CTSB: variants seen among roughly 807,000 people sequenced by gnomAD.
CTSB encodes the protein cathepsin B.
CTSB carries 57 observed loss-of-function variants against 44.3 expected under a neutral mutation model. The ratio of observed to expected loss-of-function variants is 1.29; its 90% CI spans 1.04 to 1.60. The LOEUF (loss-of-function observed/expected upper bound fraction) is 1.60, where lower values mean the gene tolerates loss of function less well. CTSB is among the 40% of genes most tolerant of loss of function. The pLI is 0.00. For synonymous variants in CTSB, 320 were observed against 168.0 expected, an observed-to-expected ratio of 1.91 and a Z score of -7.00; for missense variants, 768 against 443.0, an observed-to-expected ratio of 1.73 and a Z score of -6.59.
intron 1 of CTSB, among the ~76,000 whole-genome samples, chr8:11,859,485 G>T (rs553038221): frequency 6.6e-6 from 1 of 152,276 alleles, no homozygotes; most frequent in Admixed American, 6.5e-5. Context: ...TTCTGGCCAG[G>T]CACAGTGGCT....
At chr8:11,846,604 G>T (rs1472323377) in intron 8 of CTSB, among the ~76,000 whole-genome samples, 1 of 152,158 alleles carries the variant, frequency 6.6e-6, no homozygotes, top group Admixed American at 6.5e-5. Flanking sequence ...CTGGTGTGAG[G>T]CACGATCTAG....
intron 1 of CTSB, among the ~76,000 whole-genome samples, chr8:11,858,346 G>C (rs1028458294): frequency 1.3e-5 from 2 of 152,178 alleles, no homozygotes; most frequent in Non-Finnish European, 2.9e-5. Context: ...CCAGGCTGGA[G>C]TGCAGTGGCA....
At chr8:11,849,479 T>G in intron 4 of CTSB, 1 of 201,538 alleles carries the variant, frequency 5.0e-6, no homozygotes, top group South Asian at 1.0e-4. Flanking sequence ...CAACTCAGCT[T>G]TTAAAGCAAG....
intron 1 of CTSB, chr8:11,865,355 C>G (rs1239662600): frequency 2.0e-5 from 3 of 151,994 alleles, no homozygotes; most frequent in African/African-American, 7.3e-5. Flanking sequence ...CCAGCCTGGC[C>G]AACGTGGCAA....
intron 1 of CTSB, among the ~76,000 whole-genome samples, chr8:11,854,389 G>C (rs1224140373): frequency 6.6e-6 from 1 of 152,122 alleles, no homozygotes; most frequent in Non-Finnish European, 1.5e-5. Flanking sequence ...TGGCACCTAG[G>C]GGTTCTATCT....
chr8:11,866,990 A>G (rs1189311877), intron 1 of CTSB, among the ~76,000 whole-genome samples: 2 of 152,122 alleles, frequency 1.3e-5, no homozygotes, highest in Non-Finnish European at 2.9e-5. Flanking sequence ...TCTGCATTTG[A>G]ACCCCACAGC....
At chr8:11,857,498 AAAT>A (rs1815698537) in intron 1 of CTSB, among the ~76,000 whole-genome samples, 2 of 152,180 alleles carry the variant, frequency 1.3e-5, no homozygotes, top group Admixed American at 6.6e-5. Flanking sequence ...ATGTTATTTT[AAAT>A]AATAAGCCAA....
At chr8:11,845,275 A>G (rs1586071417) in intron 9 of CTSB, 53 bp from the exon 10 acceptor site, 3 of 1,352,648 alleles carry the variant, frequency 2.2e-6, no homozygotes, top group Non-Finnish European at 3.2e-6. Flanking sequence ...CAACCAATAT[A>G]GTCAGACTCA....
At chr8:11,860,841 CG>C (rs1210416324) in intron 1 of CTSB, among the ~76,000 whole-genome samples, 7 of 152,172 alleles carry the variant, frequency 4.6e-5, no homozygotes, top group African/African-American at 1.7e-4. Flanking sequence ...CCGCTAATAA[CG>C]GCAGTTGCTC....
At chr8:11,855,325 A>T (rs1307300843) in intron 1 of CTSB, among the ~76,000 whole-genome samples, 1 of 152,104 alleles carries the variant, frequency 6.6e-6, no homozygotes, top group African/African-American at 2.4e-5. Flanking sequence ...AGGCCCACAG[A>T]TCTTAATTTA....
At chr8:11,867,039 T>G (rs1478583711) in intron 1 of CTSB, among the ~76,000 whole-genome samples, 1 of 152,126 alleles carries the variant, frequency 6.6e-6, no homozygotes, top group Non-Finnish European at 1.5e-5. Flanking sequence ...TCTCGTCCGT[T>G]AGGAGGAGGA....
intron 3 of CTSB, among the ~76,000 whole-genome samples, chr8:11,851,453 G>A (rs996400962): frequency 6.6e-6 from 1 of 152,114 alleles, no homozygotes; most frequent in Non-Finnish European, 1.5e-5. Context: ...GCCTCCCAAA[G>A]TGCTGGGATT....
intron 1 of CTSB, among the ~76,000 whole-genome samples, chr8:11,854,221 G>C (rs1419078789): frequency 2.0e-5 from 3 of 152,166 alleles, no homozygotes; most frequent in Non-Finnish European, 4.4e-5. Context: ...CCTGCATCCA[G>C]GGCTGGGGAG....
chr8:11,848,235 G>GA (rs1813821789), intron 5 of CTSB, 83 bp from the exon 6 acceptor site: 3 of 1,258,580 alleles, frequency 2.4e-6, no homozygotes, highest in Non-Finnish European at 3.5e-6. Context: ...AAGTGCCCGA[G>GA]GCCACTCGTG....
At position 11,843,408 on chromosome 8, in the gene CTSB, C is replaced by A. The variant is rs535474589; in HGVS notation, c.*1717G>T. On this transcript the variant is annotated 3_prime_UTR_variant, in exon 10 of 10. Coordinates refer to ENST00000353047, the MANE Select transcript of CTSB (RefSeq NM_001908.5). ...GGAAAGAGCTAGCCTCATACCACTT[C>A]AGTTGGGAAGGGGAGTACTGAGGTG... is the stretch of plus-strand genomic sequence containing the variant. 6.6e-6 allele frequency: 1 copy of A among 152,192 alleles called. No homozygotes were observed. Among genetic ancestry groups the A allele is most frequent in the Admixed American group, 6.5e-5 (1 of 15,272 alleles). 9.4% of individuals were successfully genotyped at this position (152,192 alleles called of 1,614,324 possible). A position where few individuals can be genotyped will look rare whatever the true frequency, so the allele number is the denominator to read the frequency against.
intron 1 of CTSB, chr8:11,864,394 G>T (rs1004448019): frequency 6.6e-6 from 1 of 151,640 alleles, no homozygotes; most frequent in African/African-American, 2.4e-5. Flanking sequence ...AGGCTGAGGT[G>T]GGAACCAGAT....
intron 1 of CTSB, among the ~76,000 whole-genome samples, chr8:11,866,555 G>C (rs1289174816): frequency 6.6e-6 from 1 of 152,222 alleles, no homozygotes; most frequent in Non-Finnish European, 1.5e-5. Flanking sequence ...GAGCTGGCGG[G>C]TTCTAAGTCA....
chr8:11,848,274 C>A lies in CTSB; in HGVS notation c.447-122G>T, dbSNP rs753558684. ...CCACCCCCAGCTGCAGCAAGTGGTG[C>A]GAGCAGACCTCCCAGACCCCAAACC... On this transcript the variant is annotated intron_variant, in intron 5 of 9. Coordinates refer to ENST00000353047, the MANE Select transcript of CTSB (RefSeq NM_001908.5). 1.5e-5 allele frequency: 12 copies of A among 826,594 alleles called. No homozygotes were observed. In the East Asian group the frequency reaches 2.0e-4, roughly 14 times the overall value. 51.2% of individuals were successfully genotyped at this position (826,594 alleles called of 1,614,324 possible). A position where few individuals can be genotyped will look rare whatever the true frequency, so the allele number is the denominator to read the frequency against.
chr8:11,845,863 C>G, intron 8 of CTSB, 74 bp from the exon 9 acceptor site: 3 of 1,481,810 alleles, frequency 2.0e-6, no homozygotes, highest in Non-Finnish European at 2.7e-6. Flanking sequence ...CCACACTCAG[C>G]TGGTCATGCT....
Sources: allele counts gnomAD v4.1 joint callset (sites outside exome capture counted in the v4.1 genomes callset), GRCh38; gene constraint gnomAD v4.1.1; transcripts MANE v1.5; gene names NCBI Gene and HGNC (gene_info 2026-07-23, HGNC 2026-07-21).